Variants in RBFOX1 observed in about 807,000 individuals in gnomAD.
RBFOX1 encodes the protein RNA binding fox-1 homolog 1.
A neutral mutation model predicts 57.7 loss-of-function variants in RBFOX1; 8 were observed. The ratio of observed to expected loss-of-function variants is 0.14; its 90% CI spans 0.08 to 0.25. The LOEUF is 0.25. Ranked by LOEUF, RBFOX1 falls within the 10% of genes least tolerant of loss-of-function variation. RBFOX1 has a pLI of 1.00. For missense variants in RBFOX1, 611 were observed against 548.5 expected, an observed-to-expected ratio of 1.11 and a Z score of -1.14; for synonymous variants, 326 against 222.4, an observed-to-expected ratio of 1.47 and a Z score of -4.15.
At chr16:6,865,999 AG>A (rs2059847878) in intron 3 of RBFOX1, among the ~76,000 whole-genome samples, 1 of 152,216 alleles carries the variant, frequency 6.6e-6, no homozygotes, top group African/African-American at 2.4e-5. Context: ...CGGGGAAAAA[AG>A]AGGGAGTAAT....
At chr16:6,938,145 C>A (rs1406564963) in intron 3 of RBFOX1, among the ~76,000 whole-genome samples, 1 of 152,094 alleles carries the variant, frequency 6.6e-6, no homozygotes, top group Non-Finnish European at 1.5e-5. Flanking sequence ...TTGAACTATT[C>A]AAGTTCATTG....
intron 3 of RBFOX1, among the ~76,000 whole-genome samples, chr16:6,932,942 G>C (rs1049496081): frequency 4.6e-5 from 7 of 152,080 alleles, no homozygotes; most frequent in Middle Eastern, 3.2e-3. Context: ...TCTCCTTTCT[G>C]TCTTTATGAA....
At chr16:6,884,218 A>G (rs1336085663) in intron 3 of RBFOX1, among the ~76,000 whole-genome samples, 1 of 152,200 alleles carries the variant, frequency 6.6e-6, no homozygotes, top group Middle Eastern at 3.2e-3. Context: ...GCAGTCAGCC[A>G]TGCTGCAGAG....
chr16:5,614,150 C>A lies in RBFOX1; in HGVS notation c.318+15189C>A, dbSNP rs144896853. 9.8e-3 allele frequency among the ~76,000 whole-genome samples: 1,494 copies of A among 152,236 alleles called. 23 individuals are homozygous for A. Among genetic ancestry groups the A allele is most frequent in the African/African-American group, 0.034 (1,426 of 41,536 alleles). Reference sequence around the variant, plus strand: ...TAGACTCCCTCTAGGTTGGGAGGTGCGGATCAGGTGGTTGGGGGATCCTGT... The same window carrying A: ...TAGACTCCCTCTAGGTTGGGAGGTGAGGATCAGGTGGTTGGGGGATCCTGT... On this transcript the variant is annotated intron_variant, in intron 3 of 19. Coordinates refer to the RBFOX1 transcript ENST00000641259.
chr16:7,227,287 C>CCCT (rs2093192203), intron 4 of RBFOX1, among the ~76,000 whole-genome samples: 15 of 98,414 alleles, frequency 1.5e-4, no homozygotes, highest in Non-Finnish European at 2.9e-4. Flanking sequence ...CACACCCCAC[C>CCCT]CCACCCCCAC....
chr16:6,236,836 T>C lies in RBFOX1; in HGVS notation c.-126-80159T>C, dbSNP rs75368978. ...GTATCCGTAAGAGCAACTTTACCCA[T>C]TGGATATTTTATTCCTATAGTGTAA... On this transcript the variant is annotated intron_variant, in intron 1 of 15. Transcript: ENST00000550418. Among the ~76,000 whole-genome samples the C allele has an allele frequency of 5.5e-3, 841 of 152,250 alleles. 10 individuals are homozygous for C. The highest frequency in any genetic ancestry group is 0.019 in the African/African-American group (802 of 41,544).
intron 4 of RBFOX1, among the ~76,000 whole-genome samples, chr16:5,932,416 C>G (rs139820529): frequency 7.9e-5 from 12 of 152,232 alleles, no homozygotes; most frequent in East Asian, 1.9e-4. Context: ...AGATTTTTCT[C>G]CAGCACCTCC....
At chr16:5,584,463 A>G (rs774529282) in intron 2 of RBFOX1, among the ~76,000 whole-genome samples, 6 of 152,086 alleles carry the variant, frequency 3.9e-5, no homozygotes, top group Non-Finnish European at 5.9e-5. Flanking sequence ...CATTACGTCT[A>G]TTTCTGATAC....
intron 2 of RBFOX1, among the ~76,000 whole-genome samples, chr16:5,511,044 G>A (rs1223956589): frequency 6.6e-6 from 1 of 152,172 alleles, no homozygotes; most frequent in Admixed American, 6.5e-5. Flanking sequence ...TTGGAAGGAA[G>A]GAGAGTCACA....
At chr16:6,975,924 C>A (rs58747451) in intron 3 of RBFOX1, among the ~76,000 whole-genome samples, 1 of 151,862 alleles carries the variant, frequency 6.6e-6, no homozygotes, top group African/African-American at 2.4e-5. Context: ...TCAGGAGTTC[C>A]AGATCATGCT....
chr16:5,816,584 G>C (rs1037749851), intron 3 of RBFOX1, among the ~76,000 whole-genome samples: 1 of 152,144 alleles, frequency 6.6e-6, no homozygotes, highest in Non-Finnish European at 1.5e-5. Context: ...AGGACTTTGA[G>C]ACCAGCCTGG....
chr16:7,097,751 T>G lies in RBFOX1; in HGVS notation c.27+45653T>G, dbSNP rs190980600. Among the ~76,000 whole-genome samples the G allele has an allele frequency of 3.9e-5, 6 of 152,288 alleles. No homozygotes were observed. In the East Asian group the frequency reaches 9.6e-4, roughly 24 times the overall value. On this transcript the variant is annotated intron_variant, in intron 4 of 15. Coordinates refer to ENST00000550418, the MANE Select transcript of RBFOX1 (RefSeq NM_018723.4). Reference sequence around the variant, plus strand: ...AGATGCTGAGTCAGCAGAGAGCTAGTGCATATTTATCCAGAGATTCTGATG... The same window carrying G: ...AGATGCTGAGTCAGCAGAGAGCTAGGGCATATTTATCCAGAGATTCTGATG...
At chr16:6,884,100 C>A (rs1037864747) in intron 3 of RBFOX1, among the ~76,000 whole-genome samples, 9 of 152,172 alleles carry the variant, frequency 5.9e-5, no homozygotes, top group African/African-American at 1.9e-4. Context: ...ACCTGCGATG[C>A]GCTGCAGAAG....
In RBFOX1 at chr16:6,625,873, A is replaced by T. The variant is rs1248544874; in HGVS notation, c.-63-28730A>T. On this transcript the variant is annotated intron_variant, in intron 2 of 15. Transcript: ENST00000550418. ...ATGATGTCTGCCATTGTTGTTGGGG[A>T]TTCTTACATTGGCTCCAGGTAGAAA... Among the ~76,000 whole-genome samples the T allele has an allele frequency of 7.9e-5, 12 of 152,258 alleles. No individual in the cohort carries two copies. In the East Asian group the frequency reaches 1.4e-3, roughly 17 times the overall value.
At chr16:7,045,538 T>G (rs978858656) in intron 3 of RBFOX1, among the ~76,000 whole-genome samples, 1 of 152,226 alleles carries the variant, frequency 6.6e-6, no homozygotes, top group Non-Finnish European at 1.5e-5. Flanking sequence ...ATGGCACAAG[T>G]CAGAGGTCAG....
chr16:6,601,650 G>C (rs1338498476), intron 2 of RBFOX1, among the ~76,000 whole-genome samples: 1 of 152,128 alleles, frequency 6.6e-6, no homozygotes, highest in Non-Finnish European at 1.5e-5. Context: ...GGAACTCTCA[G>C]AGGTACATAT....
At chr16:7,549,403 G>C (rs1383009714) in intron 5 of RBFOX1, among the ~76,000 whole-genome samples, 2 of 152,206 alleles carry the variant, frequency 1.3e-5, no homozygotes, top group Non-Finnish European at 2.9e-5. Context: ...AAGTTTTGAA[G>C]CATGAAGAGT....
chr16:7,502,559 G>A (rs1423205590), intron 4 of RBFOX1, among the ~76,000 whole-genome samples: 1 of 152,074 alleles, frequency 6.6e-6, no homozygotes, highest in East Asian at 1.9e-4. Flanking sequence ...GTTGATTCAT[G>A]GTAGTGAGGC....
intron 5 of RBFOX1, among the ~76,000 whole-genome samples, chr16:7,522,877 A>G (rs2077815380): frequency 6.6e-6 from 1 of 152,218 alleles, no homozygotes; most frequent in Admixed American, 6.5e-5. Context: ...TTTAAAGTAT[A>G]CACTTTGATA....
Sources: gnomAD v4.1 joint callset for allele counts (sites outside exome capture counted in the v4.1 genomes callset) on GRCh38, gnomAD v4.1.1 for gene constraint, MANE v1.5 for transcripts, NCBI Gene and HGNC (gene_info 2026-07-23, HGNC 2026-07-21) for gene names.